Variants in GMDS observed in about 807,000 individuals in gnomAD.
GMDS encodes GDP-mannose 4,6-dehydratase, also known as GDP-mannose 4,6 dehydratase.
A neutral mutation model predicts 49.9 loss-of-function variants in GMDS; 20 were observed. That is an observed-to-expected ratio of 0.40 (90% CI 0.28 to 0.58). The LOEUF (loss-of-function observed/expected upper bound fraction) is 0.58. Ranked by LOEUF, GMDS falls within the 20% of genes least tolerant of loss-of-function variation. The pLI, the probability that GMDS is intolerant of heterozygous loss-of-function variation, is 0.42. For synonymous variants in GMDS, 177 were observed against 178.6 expected, an observed-to-expected ratio of 0.99 and a Z score of 0.07; for missense variants, 362 against 481.4, an observed-to-expected ratio of 0.75 and a Z score of 2.32.
chr6:1,831,238 A>G (rs1176482645), intron 7 of GMDS, among the ~76,000 whole-genome samples: 1 of 152,224 alleles, frequency 6.6e-6, no homozygotes, highest in African/African-American at 2.4e-5. Flanking sequence ...CCATCCTGAA[A>G]CTAAAGGAGA....
In GMDS at chr6:1,726,893, T is replaced by C. The variant is rs142166880; in HGVS notation, c.891-381A>G. 3.7e-3 allele frequency among the ~76,000 whole-genome samples: 560 copies of C among 151,972 alleles called. 6 individuals are homozygous for C. The highest frequency in any genetic ancestry group is 0.012 in the African/African-American group (512 of 41,496). On this transcript the variant is annotated intron_variant, in intron 8 of 10. Transcript: ENST00000380815. ...ATAAATTATTATAAATTAATTAATA[T>C]AAATTAATGTCTTCTGTCTTCCCTT...
chr6:2,127,676 C>T (rs532351498), intron 1 of GMDS, among the ~76,000 whole-genome samples: 3 of 152,210 alleles, frequency 2.0e-5, no homozygotes, highest in Non-Finnish European at 4.4e-5. Flanking sequence ...ACGAGCCGAG[C>T]GAGGGCTCCT....
At chr6:2,188,191 C>T (rs999074746) in intron 1 of GMDS, among the ~76,000 whole-genome samples, 1 of 152,216 alleles carries the variant, frequency 6.6e-6, no homozygotes, top group African/African-American at 2.4e-5. Context: ...CTGGAGACAG[C>T]TGGAGTACAA....
At chr6:1,637,796 C>A (rs1763210353) in intron 9 of GMDS, among the ~76,000 whole-genome samples, 1 of 152,234 alleles carries the variant, frequency 6.6e-6, no homozygotes, top group Admixed American at 6.5e-5. Context: ...GGCCCTTAGA[C>A]CAGCAGCAAC....
chr6:1,966,732 C>T (rs12175531), intron 4 of GMDS, among the ~76,000 whole-genome samples: 40,914 of 152,130 alleles, frequency 0.27, 6,629 homozygotes, highest in Non-Finnish European at 0.35. Context: ...TGGCCCCAAA[C>T]AGGGTTCCTG....
chr6:1,882,038 A>G, intron 7 of GMDS, among the ~76,000 whole-genome samples: 1 of 152,214 alleles, frequency 6.6e-6, no homozygotes, highest in South Asian at 2.1e-4. Context: ...TTTTAAATAC[A>G]CATGTAAGTA....
intron 7 of GMDS, among the ~76,000 whole-genome samples, chr6:1,928,124 T>G (rs559631245): frequency 6.6e-6 from 1 of 152,210 alleles, no homozygotes; most frequent in African/African-American, 2.4e-5. Context: ...CCCGGCACTT[T>G]GGGAGGCCAA....
At chr6:1,654,410 T>C (rs1233739510) in intron 9 of GMDS, among the ~76,000 whole-genome samples, 1 of 152,226 alleles carries the variant, frequency 6.6e-6, no homozygotes, top group Non-Finnish European at 1.5e-5. Flanking sequence ...ATATTTGCTA[T>C]GGAATATTAT....
At chr6:1,629,345 G>A (rs1762930645) in intron 9 of GMDS, among the ~76,000 whole-genome samples, 1 of 152,098 alleles carries the variant, frequency 6.6e-6, no homozygotes, top group African/African-American at 2.4e-5. Context: ...AAACTGAAGT[G>A]GAAGTCAGAC....
chr6:1,869,828 C>T (rs557171563), intron 7 of GMDS, among the ~76,000 whole-genome samples: 85 of 152,240 alleles, frequency 5.6e-4, no homozygotes, highest in Non-Finnish European at 8.8e-5. Context: ...ATCCCTGGCT[C>T]TTCCTCCTGG....
chr6:2,079,242 T>G lies in GMDS; in HGVS notation c.345+36529A>C, dbSNP rs185973462. ...TTAATCCATTCTGCCAGGCTGTAGC[T>G]TCTAAGTGGAAAATTCAATCCTTCC... is the stretch of plus-strand genomic sequence containing the variant. On this transcript the variant is annotated intron_variant, in intron 4 of 10. Transcript: ENST00000380815. Among the ~76,000 whole-genome samples the G allele has an allele frequency of 3.9e-5, 6 of 152,084 alleles. No individual in the cohort carries two copies. In the East Asian group the frequency reaches 7.7e-4, roughly 20 times the overall value.
rs992826438 is a variant in GMDS, at chr6:1,690,235, T to A, written c.987+36181A>T. ...GCAAAAGCTCTTTAGTTTAATTAGATCCCATTTGTCAATTTTTGCTTTTGT... is the reference window on the plus strand; with the variant it reads ...GCAAAAGCTCTTTAGTTTAATTAGAACCCATTTGTCAATTTTTGCTTTTGT... On this transcript the variant is annotated intron_variant, in intron 9 of 10. Transcript: ENST00000380815. Among the ~76,000 whole-genome samples the A allele has an allele frequency of 3.2e-4, 48 of 152,312 alleles. No homozygotes were observed. In the South Asian group the frequency reaches 4.6e-3, roughly 14 times the overall value.
At chr6:2,159,940 T>G (rs1777308041) in intron 1 of GMDS, among the ~76,000 whole-genome samples, 1 of 152,192 alleles carries the variant, frequency 6.6e-6, no homozygotes, top group Non-Finnish European at 1.5e-5. Context: ...AAGGGTCAAC[T>G]GTAATATATA....
chr6:2,006,297 C>G (rs531015497), intron 4 of GMDS, among the ~76,000 whole-genome samples: 1 of 151,714 alleles, frequency 6.6e-6, no homozygotes, highest in East Asian at 1.9e-4. Flanking sequence ...GAGTAGTGGC[C>G]CATGTCTGTA....
chr6:2,188,182 T>C (rs180827252), intron 1 of GMDS, among the ~76,000 whole-genome samples: 17 of 152,362 alleles, frequency 1.1e-4, no homozygotes, highest in African/African-American at 4.1e-4. Flanking sequence ...GCTCCTGCTC[T>C]GGAGACAGCT....
rs563001054 is a variant in GMDS, at chr6:1,733,447, G to T, written c.891-6935C>A. Among the ~76,000 whole-genome samples the T allele has an allele frequency of 4.5e-4, 68 of 152,310 alleles. 1 individual carries two copies. Among genetic ancestry groups the T allele is most frequent in the Admixed American group, 4.3e-3 (66 of 15,304 alleles). The stretch of plus-strand genomic sequence containing the variant: ...TTGATGCCTTTTGGCAGAACAGGGG[G>T]AGAGAGAGGCCAGGCAGTGACTGGA... On this transcript the variant is annotated intron_variant, in intron 8 of 10. Transcript: ENST00000380815.
rs865820092 is a variant in GMDS at position 2,095,952 on chromosome 6, T to G, written c.345+19819A>C. Among the ~76,000 whole-genome samples the G allele has an allele frequency of 4.6e-5, 7 of 152,268 alleles. No individual in the cohort carries two copies. The Middle Eastern group carries it at 0.017, about 370-fold the overall frequency. On this transcript the variant is annotated intron_variant, in intron 4 of 10. Coordinates refer to ENST00000380815, the MANE Select transcript of GMDS (RefSeq NM_001500.4). Reference sequence around the variant, plus strand: ...TAAGATTTACGTTCTGTGAAGGACATCACAGATAGAGCAAGCATAGAAGTG... The same window carrying G: ...TAAGATTTACGTTCTGTGAAGGACAGCACAGATAGAGCAAGCATAGAAGTG...
chr6:2,103,405 G>C (rs556150371), intron 4 of GMDS, among the ~76,000 whole-genome samples: 2 of 152,016 alleles, frequency 1.3e-5, no homozygotes, highest in Non-Finnish European at 2.9e-5. Context: ...TTTTAAGCAC[G>C]TTGTTATACA....
intron 9 of GMDS, among the ~76,000 whole-genome samples, chr6:1,671,913 T>C (rs1764445656): frequency 6.6e-6 from 1 of 152,164 alleles, no homozygotes; most frequent in South Asian, 2.1e-4. Flanking sequence ...TCTGCCCACC[T>C]TGGCTTCCCA....
Sources: allele counts gnomAD v4.1 joint callset (sites outside exome capture counted in the v4.1 genomes callset), GRCh38; gene constraint gnomAD v4.1.1; transcripts MANE v1.5; gene names NCBI Gene and HGNC (gene_info 2026-07-23, HGNC 2026-07-21).